Variants in PLCL2 observed in about 807,000 individuals in gnomAD.
The protein encoded by PLCL2 is phospholipase C like 2.
In PLCL2, 4 loss-of-function variants were observed where a neutral mutation model predicts 79.6. The observed-to-expected ratio is 0.05, with a 90% CI of 0.02 to 0.11. The LOEUF is 0.11. PLCL2 is among the 10% of genes least tolerant of loss of function. The pLI, the probability that PLCL2 is intolerant of heterozygous loss-of-function variation, is 1.00. For synonymous variants in PLCL2, 484 were observed against 457.7 expected (o/e 1.06, Z -0.73); for missense variants, 895 against 1,291.0 (o/e 0.69, Z 4.70).
chr3:16,889,891 A>G (rs1262140646), intron 1 of PLCL2, among the ~76,000 whole-genome samples: 3 of 152,046 alleles, frequency 2.0e-5, no homozygotes, highest in Non-Finnish European at 4.4e-5. Flanking sequence ...TGAATGGGGG[A>G]AACAAAGATA....
intron 1 of PLCL2, among the ~76,000 whole-genome samples, chr3:16,909,426 A>G (rs2124926847): frequency 6.6e-6 from 1 of 152,338 alleles, no homozygotes; most frequent in Middle Eastern, 3.4e-3. Context: ...GAGTGAATCT[A>G]TTACATTTAG....
chr3:17,009,601 T>G lies in PLCL2; in HGVS notation c.328-73T>G. The G allele has an allele frequency of 1.3e-6, 1 of 768,698 alleles. No homozygotes were observed. The highest frequency in any genetic ancestry group is 2.0e-6 in the Non-Finnish European group (1 of 496,148). The allele number at this position is 768,698 out of a possible 1,614,324, so 47.6% of individuals were successfully genotyped here. On this transcript the variant is annotated intron_variant, in intron 1 of 5. Coordinates refer to ENST00000615277, the MANE Select transcript of PLCL2 (RefSeq NM_001144382.2). The surrounding 1 kb of genome is among the most constrained non-coding windows in gnomAD (Gnocchi z 4.0). ...TATGATTTTTTTCTAGGAAATTAAA[T>G]TTCTATTCATAATCTTGAACATAGA...
At position 16,965,203 on chromosome 3, in the gene PLCL2, A is replaced by G. The variant is rs184079584; in HGVS notation, c.328-44471A>G. On this transcript the variant is annotated intron_variant, in intron 1 of 5. Coordinates refer to ENST00000615277, the MANE Select transcript of PLCL2 (RefSeq NM_001144382.2). ...TCTTGAATTAATTTTTGTATAAGGTATAAGGAAGGGATCCAGTTTCAGCTT... is the reference window on the plus strand; with the variant it reads ...TCTTGAATTAATTTTTGTATAAGGTGTAAGGAAGGGATCCAGTTTCAGCTT... Among the ~76,000 whole-genome samples the G allele has an allele frequency of 5.2e-3, 791 of 152,194 alleles. 6 individuals are homozygous for G. The highest frequency in any genetic ancestry group is 0.017 in the African/African-American group (708 of 41,536).
At chr3:16,904,374 G>A (rs1057351997) in intron 1 of PLCL2, among the ~76,000 whole-genome samples, 3 of 151,442 alleles carry the variant, frequency 2.0e-5, no homozygotes, top group African/African-American at 4.9e-5. Context: ...CTAGAGAACC[G>A]GTTTGGGGTA....
In PLCL2 at chr3:16,930,502, G is replaced by C. The variant is rs531818138; in HGVS notation, c.327+45136G>C. Among the ~76,000 whole-genome samples the C allele has an allele frequency of 2.5e-3, 386 of 152,248 alleles. 2 individuals carry two copies. The highest frequency in any genetic ancestry group is 4.1e-3 in the Non-Finnish European group (279 of 68,014). Reference sequence around the variant, plus strand: ...GCTGATTATATCTCTGTTTTGATCAGAACTGCTATAAATGAAAGAGTTGTA... The same window carrying C: ...GCTGATTATATCTCTGTTTTGATCACAACTGCTATAAATGAAAGAGTTGTA... On this transcript the variant is annotated intron_variant, in intron 1 of 5. Coordinates refer to ENST00000615277, the MANE Select transcript of PLCL2 (RefSeq NM_001144382.2).
At chr3:17,013,993 G>C (rs1433678760) in intron 2 of PLCL2, among the ~76,000 whole-genome samples, 1 of 152,232 alleles carries the variant, frequency 6.6e-6, no homozygotes, top group Non-Finnish European at 1.5e-5. Flanking sequence ...AATATGCCTA[G>C]TATGGCTTAG....
At chr3:16,903,344 C>T (rs1220292328) in intron 1 of PLCL2, among the ~76,000 whole-genome samples, 1 of 152,110 alleles carries the variant, frequency 6.6e-6, no homozygotes, top group Non-Finnish European at 1.5e-5. Flanking sequence ...GGGTAGGATG[C>T]ATTGATACTA....
chr3:16,920,107 A>G (rs1559485775), intron 1 of PLCL2, among the ~76,000 whole-genome samples: 1 of 152,136 alleles, frequency 6.6e-6, no homozygotes, highest in Non-Finnish European at 1.5e-5. Context: ...TTTTTCCATA[A>G]TATTTTGTTA....
At chr3:17,015,692 T>C (rs1212766588) in intron 3 of PLCL2, among the ~76,000 whole-genome samples, 1 of 152,112 alleles carries the variant, frequency 6.6e-6, no homozygotes, top group Non-Finnish European at 1.5e-5. Context: ...TACTTGGGGG[T>C]GAGTACCTCA....
chr3:16,954,778 T>G (rs1015803482), intron 1 of PLCL2, among the ~76,000 whole-genome samples: 1 of 152,260 alleles, frequency 6.6e-6, no homozygotes, highest in Non-Finnish European at 1.5e-5. Flanking sequence ...TGATGGCCAG[T>G]GATGGTGAGC....
At chr3:17,064,021 A>G (rs1303304480) in intron 4 of PLCL2, among the ~76,000 whole-genome samples, 1 of 152,222 alleles carries the variant, frequency 6.6e-6, no homozygotes, top group Non-Finnish European at 1.5e-5. Context: ...CAGAAGGAGA[A>G]GAGATGCTAC....
At chr3:17,064,223 G>C (rs2064985277) in intron 4 of PLCL2, among the ~76,000 whole-genome samples, 1 of 152,110 alleles carries the variant, frequency 6.6e-6, no homozygotes, top group African/African-American at 2.4e-5. Context: ...TTAGTTCCAA[G>C]AGAACAATGC....
chr3:17,069,957 C>G (rs1181987314), intron 5 of PLCL2, among the ~76,000 whole-genome samples: 1 of 152,164 alleles, frequency 6.6e-6, no homozygotes, highest in African/African-American at 2.4e-5. Context: ...CTGACTCACT[C>G]CTGGTCAGAG....
At chr3:16,911,890 G>A (rs770941568) in intron 1 of PLCL2, among the ~76,000 whole-genome samples, 14 of 152,102 alleles carry the variant, frequency 9.2e-5, no homozygotes, top group Non-Finnish European at 1.6e-4. Context: ...TTTGCTTTCA[G>A]TGTACATAAA....
chr3:16,996,812 T>A (rs573555850), intron 1 of PLCL2, among the ~76,000 whole-genome samples: 1 of 152,330 alleles, frequency 6.6e-6, no homozygotes, highest in South Asian at 2.1e-4. Context: ...TGCTATAGAA[T>A]TGTAATTATT....
intron 5 of PLCL2, among the ~76,000 whole-genome samples, chr3:17,087,909 G>A (rs1420936311): frequency 6.6e-6 from 1 of 152,144 alleles, no homozygotes; most frequent in Non-Finnish European, 1.5e-5. Flanking sequence ...AATTCTGCTT[G>A]TGAAGGGAAA....
chr3:17,029,332 C>T (rs1030845451), intron 3 of PLCL2, among the ~76,000 whole-genome samples: 6 of 149,936 alleles, frequency 4.0e-5, no homozygotes, highest in South Asian at 2.1e-4. Context: ...CTTAAAGATT[C>T]GTATGCCCTT....
At chr3:17,075,580 G>T (rs1156489232) in intron 5 of PLCL2, among the ~76,000 whole-genome samples, 1 of 149,164 alleles carries the variant, frequency 6.7e-6, no homozygotes, top group East Asian at 2.0e-4. Context: ...TATCTGTGAA[G>T]TGTGATAAAA....
chr3:16,922,957 G>A (rs1302832544), intron 1 of PLCL2, among the ~76,000 whole-genome samples: 2 of 151,946 alleles, frequency 1.3e-5, no homozygotes, highest in African/African-American at 4.8e-5. Context: ...GTGAAAAAAA[G>A]GATTCATTTG....
Sources: allele counts gnomAD v4.1 joint callset (sites outside exome capture counted in the v4.1 genomes callset), GRCh38; gene constraint gnomAD v4.1.1; non-coding constraint Gnocchi (gnomAD v3.1); transcripts MANE v1.5; gene names NCBI Gene and HGNC (gene_info 2026-07-23, HGNC 2026-07-21).